Variants in NOL4 observed in about 807,000 individuals in gnomAD.
NOL4 encodes nucleolar protein 4.
NOL4 carries 17 observed loss-of-function variants against 75.9 expected under a neutral mutation model. That is an observed-to-expected ratio of 0.22 (90% CI 0.15 to 0.34). The LOEUF (loss-of-function observed/expected upper bound fraction) is 0.34. Ranked by LOEUF, NOL4 falls within the 10% of genes least tolerant of loss-of-function variation. The pLI is 1.00. For synonymous variants in NOL4, 292 were observed against 289.9 expected (o/e 1.01, Z -0.07); for missense variants, 614 against 793.5 (o/e 0.77, Z 2.72).
chr18:33,937,489 T>C (rs2068135929), intron 9 of NOL4, among the ~76,000 whole-genome samples: 1 of 152,174 alleles, frequency 6.6e-6, no homozygotes, highest in African/African-American at 2.4e-5. Context: ...GTTCATGTTT[T>C]GAACTTTTGT....
chr18:33,965,860 C>T (rs2070539851), intron 6 of NOL4, among the ~76,000 whole-genome samples: 1 of 151,966 alleles, frequency 6.6e-6, no homozygotes, highest in African/African-American at 2.4e-5. Flanking sequence ...GACTAATACT[C>T]CCTGTCTCTT....
intron 1 of NOL4, among the ~76,000 whole-genome samples, chr18:34,146,245 G>A (rs2081386639): frequency 6.6e-6 from 1 of 151,646 alleles, no homozygotes; most frequent in Non-Finnish European, 1.5e-5. Context: ...CTGCTCTAGT[G>A]CCTATTAAAC....
chr18:34,019,208 T>G (rs2074886445), intron 6 of NOL4, 110 bp downstream of exon 6: 1 of 883,196 alleles, frequency 1.1e-6, no homozygotes, highest in African/African-American at 1.7e-5. Context: ...CTTATTGGAT[T>G]TGTTTATAAT....
At chr18:34,130,978 G>C (rs1442296420) in intron 1 of NOL4, among the ~76,000 whole-genome samples, 1 of 151,758 alleles carries the variant, frequency 6.6e-6, no homozygotes, top group African/African-American at 2.4e-5. Context: ...AATAAGTTTG[G>C]AATGAGATAA....
At chr18:34,048,698 A>G (rs1402225922) in intron 5 of NOL4, 9 of 683,622 alleles carry the variant, frequency 1.3e-5, no homozygotes, top group East Asian at 1.3e-4. Flanking sequence ...TCAGGGAAAC[A>G]TGCACTCAGT....
intron 9 of NOL4, among the ~76,000 whole-genome samples, chr18:33,890,363 C>T (rs546722344): frequency 7.2e-5 from 11 of 151,876 alleles, no homozygotes; most frequent in Non-Finnish European, 1.0e-4. Flanking sequence ...CACTACTCAA[C>T]GAAATAAAAG....
chr18:34,111,347 G>GT (rs745810320), intron 2 of NOL4, among the ~76,000 whole-genome samples: 3 of 152,060 alleles, frequency 2.0e-5, no homozygotes, highest in Non-Finnish European at 4.4e-5. Context: ...TTGAATGTCC[G>GT]TGTCTTCTTA....
intron 1 of NOL4, among the ~76,000 whole-genome samples, chr18:34,155,540 G>A (rs746779785): frequency 6.6e-6 from 1 of 152,012 alleles, no homozygotes; most frequent in Non-Finnish European, 1.5e-5. Context: ...AGATGGCATA[G>A]ACTACTACAC....
chr18:34,110,105 C>T (rs904810521), intron 2 of NOL4, among the ~76,000 whole-genome samples: 1 of 106,134 alleles, frequency 9.4e-6, no homozygotes, highest in Non-Finnish European at 1.8e-5. Context: ...CCTTCTCAAA[C>T]TCCTTCCATC....
chr18:33,948,101 G>C (rs2068962725), intron 8 of NOL4, among the ~76,000 whole-genome samples: 1 of 151,886 alleles, frequency 6.6e-6, no homozygotes, highest in Admixed American at 6.6e-5. Context: ...ATTTAAGAAT[G>C]TCAGGTTATG....
chr18:34,138,689 C>T (rs1005516870), intron 1 of NOL4, among the ~76,000 whole-genome samples: 5 of 152,050 alleles, frequency 3.3e-5, no homozygotes, highest in African/African-American at 1.2e-4. Context: ...GCCTGATTGC[C>T]CTGGCCAGAA....
Position 33,852,811 on chromosome 18 carries a change from T to G in NOL4, c.*31A>C. The G allele has an allele frequency of 6.3e-7, 1 of 1,584,698 alleles. No homozygotes were observed. Among genetic ancestry groups the G allele is most frequent in the Non-Finnish European group, 8.6e-7 (1 of 1,162,666 alleles). ...ATGTCATTAGTGGAAACTGCAAATTTAGACCTCAGTGAATATGGTGGTCGT... is the reference window on the plus strand; with the variant it reads ...ATGTCATTAGTGGAAACTGCAAATTGAGACCTCAGTGAATATGGTGGTCGT... On this transcript the variant is annotated 3_prime_UTR_variant, in exon 11 of 11. Transcript: ENST00000261592.
chr18:33,864,164 G>A (rs556399906), intron 10 of NOL4, among the ~76,000 whole-genome samples: 1 of 152,286 alleles, frequency 6.6e-6, no homozygotes, highest in South Asian at 2.1e-4. Flanking sequence ...TATGATGGGA[G>A]TTACTGCTGC....
At chr18:34,111,443 G>C (rs56135498) in intron 2 of NOL4, among the ~76,000 whole-genome samples, 2,549 of 152,094 alleles carry the variant, frequency 0.017, 30 homozygotes, top group Non-Finnish European at 0.024. Flanking sequence ...AATGGGATTA[G>C]TGCCCTTATA....
intron 9 of NOL4, among the ~76,000 whole-genome samples, chr18:33,937,130 A>G (rs1321408829): frequency 2.0e-5 from 3 of 152,074 alleles, no homozygotes; most frequent in Non-Finnish European, 4.4e-5. Context: ...TGTTAAATCT[A>G]GAAAAATGCT....
At chr18:34,047,620 A>G (rs569446714) in intron 5 of NOL4, among the ~76,000 whole-genome samples, 1 of 152,246 alleles carries the variant, frequency 6.6e-6, no homozygotes, top group East Asian at 1.9e-4. Flanking sequence ...GAGGTAATTA[A>G]GTTTTTGAAA....
intron 1 of NOL4, among the ~76,000 whole-genome samples, chr18:34,149,810 A>G (rs550620621): frequency 3.6e-4 from 55 of 151,798 alleles, no homozygotes; most frequent in African/African-American, 1.3e-3. Flanking sequence ...ATGCTTAGTG[A>G]TCATTATTTT....
chr18:34,133,090 T>C (rs776210674), intron 1 of NOL4, among the ~76,000 whole-genome samples: 8 of 151,842 alleles, frequency 5.3e-5, no homozygotes, highest in Non-Finnish European at 1.2e-4. Context: ...CTGACCAACA[T>C]AGAGAAACTC....
chr18:34,024,940 T>C (rs966882736), intron 5 of NOL4, among the ~76,000 whole-genome samples: 3 of 152,064 alleles, frequency 2.0e-5, no homozygotes, highest in African/African-American at 7.2e-5. Flanking sequence ...TATAAGTGCT[T>C]AGGAGCCATA....
Sources: allele counts gnomAD v4.1 joint callset (sites outside exome capture counted in the v4.1 genomes callset), GRCh38; gene constraint gnomAD v4.1.1; transcripts MANE v1.5; gene names NCBI Gene and HGNC (gene_info 2026-07-23, HGNC 2026-07-21).